Variants in CLEC16A observed in about 807,000 individuals in gnomAD.
The protein encoded by CLEC16A is protein CLEC16A.
Under a neutral mutation model 109.5 loss-of-function variants are expected in CLEC16A, and 51 were observed. The observed-to-expected ratio is 0.47, with a 90% confidence interval of 0.37 to 0.59. The LOEUF is 0.59. Among genes scored for constraint, CLEC16A ranks in the 20% least tolerant of loss-of-function variants. CLEC16A has a pLI of 0.00. For synonymous variants in CLEC16A, 673 were observed against 564.2 expected (o/e 1.19, Z -2.73); for missense variants, 1,339 against 1,394.0 (o/e 0.96, Z 0.63).
intron 11 of CLEC16A, among the ~76,000 whole-genome samples, chr16:11,009,893 C>G (rs553587627): frequency 6.6e-6 from 1 of 152,252 alleles, no homozygotes; most frequent in African/African-American, 2.4e-5. Flanking sequence ...GTGGCTCACA[C>G]CTGTAATCCC....
At chr16:10,985,645 A>C (rs1455880025) in intron 10 of CLEC16A, among the ~76,000 whole-genome samples, 4 of 152,154 alleles carry the variant, frequency 2.6e-5, no homozygotes, top group African/African-American at 9.6e-5. Context: ...TGCAGTGCTG[A>C]AGCTAGACTT....
At chr16:11,051,775 C>A (rs1460714544) in intron 18 of CLEC16A, 134 bp downstream of exon 18, 7 of 1,129,100 alleles carry the variant, frequency 6.2e-6, no homozygotes, top group Admixed American at 2.6e-5. Context: ...ATAGAGAGTA[C>A]CCATTTGCCC....
At chr16:11,111,175 A>T (rs1465401845) in intron 19 of CLEC16A, among the ~76,000 whole-genome samples, 1 of 152,206 alleles carries the variant, frequency 6.6e-6, no homozygotes, top group Non-Finnish European at 1.5e-5. Flanking sequence ...CATCACAATT[A>T]TCTATTGCTG....
intron 11 of CLEC16A, among the ~76,000 whole-genome samples, chr16:11,017,269 A>C (rs1447413867): frequency 2.0e-5 from 3 of 152,104 alleles, no homozygotes; most frequent in Admixed American, 1.3e-4. Flanking sequence ...TTGTGTGCCT[A>C]CTCTGTGCCA....
At position 10,971,147 on chromosome 16, in the gene CLEC16A, A is replaced by G; in HGVS notation, c.515A>G (p.Tyr172Cys). 3 of 1,613,252 alleles carry G rather than the reference A, an allele frequency of 1.9e-6. No homozygotes were observed. Among genetic ancestry groups the G allele is most frequent in the Non-Finnish European group, 2.5e-6 (3 of 1,179,500 alleles). Residue 172 changes from tyrosine to cysteine, a missense_variant, in exon 5 of 24, where the codon TAC (tyrosine) becomes TGC (cysteine). Around this residue, in one of 3 missense-constraint regions of CLEC16A, gnomAD observed 161 missense variants for 267.1 expected, o/e 0.60. Coordinates refer to ENST00000409790, the MANE Select transcript of CLEC16A (RefSeq NM_015226.3). ...YNEHTNDFALYTEAIKFFNHP... is the reference protein window; with the variant it reads ...YNEHTNDFALCTEAIKFFNHP... ...TAGCACACCAATGACTTTGCCCTGT[A>G]CACAGAAGCCATCAAGTTTTTCAAC...
At chr16:11,092,467 A>G (rs910074108) in intron 19 of CLEC16A, among the ~76,000 whole-genome samples, 1 of 151,566 alleles carries the variant, frequency 6.6e-6, no homozygotes, top group Non-Finnish European at 1.5e-5. Context: ...GGAGGATCAC[A>G]GCCTCCCGGG....
At chr16:10,993,990 C>T (rs1288088356) in intron 10 of CLEC16A, among the ~76,000 whole-genome samples, 1 of 152,212 alleles carries the variant, frequency 6.6e-6, no homozygotes, top group Non-Finnish European at 1.5e-5. Flanking sequence ...GAGGAAATTG[C>T]AGCACCATCT....
intron 19 of CLEC16A, among the ~76,000 whole-genome samples, chr16:11,083,798 G>A (rs377003306): frequency 1.7e-3 from 255 of 152,320 alleles, no homozygotes; most frequent in Non-Finnish European, 1.8e-3. Context: ...TCCCCTGTCC[G>A]CTGGGAGGCA....
At chr16:11,089,888 TG>T (rs2152961079) in intron 19 of CLEC16A, among the ~76,000 whole-genome samples, 1 of 152,336 alleles carries the variant, frequency 6.6e-6, no homozygotes, top group Non-Finnish European at 1.5e-5. Context: ...TTTCCATCCC[TG>T]CCTTTGCTCA....
At chr16:10,960,126 T>C (rs1192328106) in intron 2 of CLEC16A, among the ~76,000 whole-genome samples, 2 of 152,230 alleles carry the variant, frequency 1.3e-5, no homozygotes, top group East Asian at 3.8e-4. Flanking sequence ...CCATTGTAAG[T>C]GTCTTACATT....
At chr16:11,073,377 C>T (rs557665201) in intron 19 of CLEC16A, among the ~76,000 whole-genome samples, 2 of 152,124 alleles carry the variant, frequency 1.3e-5, no homozygotes, top group Non-Finnish European at 2.9e-5. Flanking sequence ...CATCAGCTCC[C>T]TGGACTCCAC....
intron 12 of CLEC16A, among the ~76,000 whole-genome samples, chr16:11,021,831 C>T (rs1274318957): frequency 2.0e-5 from 3 of 152,080 alleles, no homozygotes; most frequent in African/African-American, 2.4e-5. Flanking sequence ...TGAATACTGT[C>T]ATGATGTGTT....
chr16:10,997,203 C>A (rs143118811), intron 10 of CLEC16A, among the ~76,000 whole-genome samples: 107 of 152,320 alleles, frequency 7.0e-4, no homozygotes, highest in African/African-American at 2.5e-3. Flanking sequence ...CTCAAGTGAT[C>A]CTCCTGCCTT....
intron 12 of CLEC16A, chr16:11,024,542 A>G (rs957399513): frequency 2.8e-6 from 1 of 352,900 alleles, no homozygotes; most frequent in East Asian, 5.8e-5. Flanking sequence ...GGGAGTTTGT[A>G]TAATTGATTC....
chr16:11,042,707 T>A (rs549881180), intron 15 of CLEC16A, among the ~76,000 whole-genome samples: 127 of 152,134 alleles, frequency 8.3e-4, no homozygotes, highest in Non-Finnish European at 1.0e-3. Context: ...ACACATTGAT[T>A]ATGGTTTTTG....
At chr16:11,039,959 T>TA in intron 14 of CLEC16A, 83 bp downstream of exon 14, 1 of 1,503,370 alleles carries the variant, frequency 6.7e-7, no homozygotes, top group Non-Finnish European at 8.9e-7. Context: ...CCCTGGGTGC[T>TA]AGGCCTGAGC....
chr16:10,968,740 A>G (rs1324922550), intron 3 of CLEC16A, among the ~76,000 whole-genome samples: 1 of 152,034 alleles, frequency 6.6e-6, no homozygotes, highest in African/African-American at 2.4e-5. Flanking sequence ...GAGGAAAAAA[A>G]CCCTACTGTG....
intron 19 of CLEC16A, among the ~76,000 whole-genome samples, chr16:11,061,673 A>T (rs1413783543): frequency 1.3e-5 from 2 of 152,224 alleles, no homozygotes; most frequent in African/African-American, 2.4e-5. Flanking sequence ...AATGAGCAGC[A>T]TGGTTTTCTG....
At chr16:10,997,460 A>G (rs367610841) in intron 10 of CLEC16A, among the ~76,000 whole-genome samples, 11 of 152,222 alleles carry the variant, frequency 7.2e-5, no homozygotes, top group Non-Finnish European at 1.0e-4. Context: ...ACCCAAGAGA[A>G]TCACCATCCT....
Sources: allele counts gnomAD v4.1 joint callset (sites outside exome capture counted in the v4.1 genomes callset), GRCh38; gene constraint gnomAD v4.1.1; regional missense constraint gnomAD v4.1.1; transcripts MANE v1.5; gene names NCBI Gene and HGNC (gene_info 2026-07-23, HGNC 2026-07-21).